Variants in EFL1 observed in about 807,000 individuals in gnomAD.
EFL1 encodes the protein elongation factor-like GTPase 1.
EFL1 carries 76 observed loss-of-function variants against 126.7 expected under a neutral mutation model. The observed-to-expected ratio is 0.60, with a 90% CI of 0.50 to 0.73. The LOEUF (loss-of-function observed/expected upper bound fraction) is 0.73. Among genes scored for constraint, EFL1 ranks in the 30% least tolerant of loss-of-function variants. The pLI is 0.00. For missense variants in EFL1, 1,128 were observed against 1,343.2 expected (o/e 0.84, Z 2.50); for synonymous variants, 410 against 448.4 (o/e 0.91, Z 1.08).
chr15:82,143,014 A>G (rs931219968), intron 18 of EFL1, among the ~76,000 whole-genome samples: 1 of 152,194 alleles, frequency 6.6e-6, no homozygotes, highest in African/African-American at 2.4e-5. Flanking sequence ...CTTCCATAAT[A>G]TTAAGATTAA....
chr15:82,138,426 G>GAGAGTA (rs1555423509), intron 19 of EFL1, among the ~76,000 whole-genome samples: 1 of 30,726 alleles, frequency 3.3e-5, no homozygotes, highest in African/African-American at 1.2e-4. Context: ...GAGAGAGAGA[G>GAGAGTA]TGTATGTGTG....
At chr15:82,261,921 T>C in intron 1 of EFL1, 124 bp from the exon 2 acceptor site, 1 of 643,560 alleles carries the variant, frequency 1.6e-6, no homozygotes, top group Non-Finnish European at 2.6e-6. Flanking sequence ...ACCCAGTGAA[T>C]GTTTATTGAT....
At chr15:82,136,037 G>C (rs922089440) in intron 19 of EFL1, among the ~76,000 whole-genome samples, 1 of 151,822 alleles carries the variant, frequency 6.6e-6, no homozygotes, top group African/African-American at 2.4e-5. Flanking sequence ...CCCTTTATTA[G>C]AGCAGTCTTA....
intron 18 of EFL1, among the ~76,000 whole-genome samples, chr15:82,148,301 C>A (rs1356938180): frequency 6.6e-6 from 1 of 151,344 alleles, no homozygotes; most frequent in Non-Finnish European, 1.5e-5. Flanking sequence ...TTGCTTGAAC[C>A]CAGGAGGTGG....
intron 2 of EFL1, among the ~76,000 whole-genome samples, chr15:82,259,543 T>A (rs1344983400): frequency 1.3e-5 from 2 of 152,314 alleles, no homozygotes; most frequent in East Asian, 3.9e-4. Flanking sequence ...CTCTTACTGT[T>A]TGTAATATAG....
intron 3 of EFL1, among the ~76,000 whole-genome samples, chr15:82,254,927 G>A (rs1186026062): frequency 6.6e-6 from 1 of 152,162 alleles, no homozygotes; most frequent in African/African-American, 2.4e-5. Flanking sequence ...TCTAGAGAAT[G>A]AGATGTAGAC....
At chr15:82,238,240 T>C (rs2074894222) in intron 7 of EFL1, 67 bp downstream of exon 7, 3 of 1,522,692 alleles carry the variant, frequency 2.0e-6, no homozygotes, top group Admixed American at 3.7e-5. Flanking sequence ...AAATAAAAGT[T>C]TCACTAAAAA....
chr15:82,176,632 C>T (rs550439893), intron 15 of EFL1, among the ~76,000 whole-genome samples: 4 of 152,290 alleles, frequency 2.6e-5, no homozygotes, highest in African/African-American at 7.2e-5. Flanking sequence ...CTACCCCATA[C>T]ACACAAAAAT....
intron 14 of EFL1, among the ~76,000 whole-genome samples, chr15:82,216,637 C>G (rs2074649778): frequency 6.6e-6 from 1 of 152,088 alleles, no homozygotes; most frequent in Admixed American, 6.6e-5. Context: ...GTTGGAACAG[C>G]TGGACATTTA....
At chr15:82,257,237 A>G (rs1231684580) in intron 3 of EFL1, among the ~76,000 whole-genome samples, 1 of 152,194 alleles carries the variant, frequency 6.6e-6, no homozygotes, top group Non-Finnish European at 1.5e-5. Flanking sequence ...TTTTAAGTTT[A>G]CTGGCACAGA....
At chr15:82,143,306 C>T (rs1016063634) in intron 18 of EFL1, among the ~76,000 whole-genome samples, 2 of 152,054 alleles carry the variant, frequency 1.3e-5, no homozygotes, top group Admixed American at 6.5e-5. Context: ...CAAAATATTA[C>T]ATTATTTCTA....
chr15:82,196,395 TCTATATGCAGAGTATCAAAAA>T (rs1442350608), intron 15 of EFL1, among the ~76,000 whole-genome samples: 1 of 152,236 alleles, frequency 6.6e-6, no homozygotes, highest in Non-Finnish European at 1.5e-5. Flanking sequence ...ACTCAAGGGT[TCTATATGCAGAGTATCAAAAA>T]TCATTAGAGC....
At chr15:82,214,108 G>GATAC (rs2074617612) in intron 15 of EFL1, among the ~76,000 whole-genome samples, 1 of 152,090 alleles carries the variant, frequency 6.6e-6, no homozygotes, top group Non-Finnish European at 1.5e-5. Flanking sequence ...AGTACAATGG[G>GATAC]ATACAGTATT....
chr15:82,204,370 CT>C (rs1215563224), intron 15 of EFL1, among the ~76,000 whole-genome samples: 4 of 145,628 alleles, frequency 2.7e-5, no homozygotes, highest in African/African-American at 1.1e-4. Flanking sequence ...TAAAAAATAC[CT>C]TTCCTTTTGG....
intron 5 of EFL1, 86 bp from the exon 6 acceptor site, chr15:82,240,641 G>C: frequency 6.8e-7 from 1 of 1,477,356 alleles, no homozygotes; most frequent in Non-Finnish European, 9.2e-7. Flanking sequence ...AACCACTCTA[G>C]ACTATGCCAG....
chr15:82,219,927 A>G, intron 13 of EFL1, 109 bp from the exon 14 acceptor site: 1 of 1,490,034 alleles, frequency 6.7e-7, no homozygotes, highest in East Asian at 2.3e-5. Context: ...AGTTTCAGGA[A>G]AAAAAAGAAA....
chr15:82,199,273 A>T (rs935585977), intron 15 of EFL1, among the ~76,000 whole-genome samples: 1 of 152,212 alleles, frequency 6.6e-6, no homozygotes, highest in African/African-American at 2.4e-5. Flanking sequence ...ATTAGAATTA[A>T]CTTATGACAC....
intron 15 of EFL1, among the ~76,000 whole-genome samples, chr15:82,185,750 G>A (rs764446076): frequency 7.2e-5 from 11 of 151,944 alleles, no homozygotes; most frequent in Non-Finnish European, 1.5e-4. Flanking sequence ...ACTAAAACTC[G>A]ATACCTTTAG....
chr15:82,228,915 A>T (rs546986246), intron 9 of EFL1, 119 bp downstream of exon 9: 2 of 829,438 alleles, frequency 2.4e-6, no homozygotes, highest in South Asian at 3.9e-5. Context: ...ACTCATCTGT[A>T]GAAGCTCTGT....
Sources: allele counts gnomAD v4.1 joint callset (sites outside exome capture counted in the v4.1 genomes callset), GRCh38; gene constraint gnomAD v4.1.1; transcripts MANE v1.5; gene names NCBI Gene and HGNC (gene_info 2026-07-23, HGNC 2026-07-21).